Variants in ATP2A2 observed in about 807,000 individuals in gnomAD.
ATP2A2 encodes ATPase sarcoplasmic/endoplasmic reticulum Ca2+ transporting 2.
Under a neutral mutation model 109.3 loss-of-function variants are expected in ATP2A2, and 14 were observed. That is an observed-to-expected ratio of 0.13 (90% CI 0.08 to 0.20). The LOEUF is 0.20. Among genes scored for constraint, ATP2A2 ranks in the 10% least tolerant of loss-of-function variants. The pLI is 1.00. For synonymous variants in ATP2A2, 506 were observed against 490.9 expected, an observed-to-expected ratio of 1.03 and a Z score of -0.41; for missense variants, 657 against 1,321.6, an observed-to-expected ratio of 0.50 and a Z score of 7.80.
Position 110,348,959 on chromosome 12 carries a change from TCCTTGACTTAGTGG to T in ATP2A2, c.*2494_*2507del, listed in dbSNP as rs1276197512. On this transcript the variant is annotated 3_prime_UTR_variant, in exon 20 of 20. Transcript: ENST00000539276. ...AAAACTCAGCTTTTCCTGACTCAGTTCCTTGACTTAGTGGCCTTTACAAAAAAAGTTGAGTAGTG... is the reference window on the plus strand; with the variant it reads ...AAAACTCAGCTTTTCCTGACTCAGTTCCTTTACAAAAAAAGTTGAGTAGTG... 16 of 985,478 alleles carry T rather than the reference TCCTTGACTTAGTGG, an allele frequency of 1.6e-5. No individual in the cohort carries two copies. The highest frequency in any genetic ancestry group is 1.9e-5 in the Non-Finnish European group (16 of 829,972). The allele number at this position is 985,478 out of a possible 1,614,324, so 61.0% of individuals were successfully genotyped here.
chr12:110,315,644 A>G lies in ATP2A2; in HGVS notation c.464-7348A>G, dbSNP rs1174727472. Among the ~76,000 whole-genome samples the G allele has an allele frequency of 2.6e-5, 4 of 152,236 alleles. No homozygotes were observed. In the East Asian group the frequency reaches 7.7e-4, roughly 29 times the overall value. On this transcript the variant is annotated intron_variant, in intron 5 of 19. Transcript: ENST00000539276. ...AAATGTTAGCAGTATAGCGTATCCTAAAATTTTTATTTTTGGCCGGGTGCG... is the reference window on the plus strand; with the variant it reads ...AAATGTTAGCAGTATAGCGTATCCTGAAATTTTTATTTTTGGCCGGGTGCG...
rs1296425781 is a variant in ATP2A2, at chr12:110,296,687, A to G, written c.413A>G (p.Gln138Arg). 1 of 1,613,912 alleles carries G rather than the reference A, an allele frequency of 6.2e-7. No homozygotes were observed. Among genetic ancestry groups the G allele is most frequent in the Non-Finnish European group, 8.5e-7 (1 of 1,179,990 alleles). The change falls in exon 5 of 20, where the codon CAG (glutamine) becomes CGG (arginine). Residue 138 changes from glutamine (Q) to arginine (R), a missense_variant. Gln to Arg is a conservative substitution (Grantham distance 43). Transcript: ENST00000539276. The part of the protein sequence containing the change: ...KVYRQDRKSV[Q>R]RIKAKDIVPG... Reference sequence around the variant, plus strand: ...TATCGACAGGACAGAAAGAGTGTGCAGCGGATTAAAGCTAAAGACATAGTT... The same window carrying G: ...TATCGACAGGACAGAAAGAGTGTGCGGCGGATTAAAGCTAAAGACATAGTT...
chr12:110,323,635 C>T (rs1271766937), intron 6 of ATP2A2, among the ~76,000 whole-genome samples: 1 of 152,098 alleles, frequency 6.6e-6, no homozygotes, highest in African/African-American at 2.4e-5. Flanking sequence ...CATGGCAAAA[C>T]CCCGTATCTA....
At chr12:110,326,118 C>CTA in intron 6 of ATP2A2, 1 of 493,640 alleles carries the variant, frequency 2.0e-6, no homozygotes, top group South Asian at 2.2e-5. Flanking sequence ...TGAATAGTTA[C>CTA]TCCAGAAAAT....
chr12:110,297,322 C>T (rs1372565115), intron 5 of ATP2A2, among the ~76,000 whole-genome samples: 1 of 151,716 alleles, frequency 6.6e-6, no homozygotes, highest in African/African-American at 2.4e-5. Context: ...GTAGTCCCAG[C>T]CACTTGTGAG....
chr12:110,326,841 G>C (rs1299967019), intron 7 of ATP2A2, among the ~76,000 whole-genome samples: 1 of 152,252 alleles, frequency 6.6e-6, no homozygotes, highest in African/African-American at 2.4e-5. Context: ...TGTTTAGAGA[G>C]AGAGAGAAAG....
chr12:110,284,489 T>G (rs981253023), intron 3 of ATP2A2, among the ~76,000 whole-genome samples: 1 of 152,212 alleles, frequency 6.6e-6, no homozygotes, highest in African/African-American at 2.4e-5. Flanking sequence ...CTATTGGGGT[T>G]GCACTGGGTC....
chr12:110,289,474 A>G (rs7310546), intron 3 of ATP2A2, among the ~76,000 whole-genome samples: 185 of 152,268 alleles, frequency 1.2e-3, no homozygotes, highest in African/African-American at 4.4e-3. Flanking sequence ...TATTATACTC[A>G]TTCTGGTTGT....
intron 5 of ATP2A2, among the ~76,000 whole-genome samples, chr12:110,311,606 A>AC (rs914170013): frequency 4.0e-5 from 6 of 149,166 alleles, no homozygotes; most frequent in African/African-American, 1.5e-4. Flanking sequence ...AAAAAAAAAA[A>AC]AAAAAAAAAA....
At chr12:110,326,565 A>C in intron 7 of ATP2A2, 90 bp downstream of exon 7, 1 of 1,186,938 alleles carries the variant, frequency 8.4e-7, no homozygotes, top group Non-Finnish European at 1.2e-6. Flanking sequence ...ATCACTGGCT[A>C]TCATTCTAAA....
chr12:110,285,143 C>G (rs1313618540), intron 3 of ATP2A2, among the ~76,000 whole-genome samples: 2 of 152,150 alleles, frequency 1.3e-5, no homozygotes, highest in African/African-American at 4.8e-5. Flanking sequence ...AAATATCAAA[C>G]TAAGTAGTAA....
intron 6 of ATP2A2, among the ~76,000 whole-genome samples, chr12:110,324,860 A>G (rs1299442668): frequency 1.4e-5 from 2 of 146,388 alleles, no homozygotes; most frequent in Non-Finnish European, 3.0e-5. Context: ...ACAGAGTTGC[A>G]CTCTGTGGCC....
At chr12:110,293,881 T>C (rs1287690045) in intron 4 of ATP2A2, among the ~76,000 whole-genome samples, 1 of 140,218 alleles carries the variant, frequency 7.1e-6, no homozygotes, top group Non-Finnish European at 1.6e-5. Flanking sequence ...TTTTTTTTTT[T>C]TTTTTTTTTT....
chr12:110,337,583 C>A (rs1420162849), intron 11 of ATP2A2, among the ~76,000 whole-genome samples: 2 of 152,228 alleles, frequency 1.3e-5, no homozygotes, highest in African/African-American at 4.8e-5. Context: ...GCCCTGAGCC[C>A]CATCTAGTCA....
rs571147123 is a variant in ATP2A2, at chr12:110,346,705, A to G, written c.*235A>G. On this transcript the variant is annotated 3_prime_UTR_variant, in exon 20 of 20. Coordinates refer to ENST00000539276, the MANE Select transcript of ATP2A2 (RefSeq NM_170665.4). ...CAGAGAACTAACACTATTTTATGCA[A>G]ATATTTTTTTGTAGATGAAAAAGCA... The G allele has an allele frequency of 7.1e-4, 984 of 1,386,498 alleles. 1 individual carries two copies. The highest frequency in any genetic ancestry group is 8.4e-4 in the Non-Finnish European group (904 of 1,071,866). 85.9% of individuals were successfully genotyped at this position (1,386,498 alleles called of 1,614,324 possible). A position where few individuals can be genotyped will look rare whatever the true frequency, so the allele number is the denominator to read the frequency against.
chr12:110,344,971 G>A lies in ATP2A2; in HGVS notation c.2607G>A (p.Leu869=). The change falls in exon 17 of 20, where the codon CTG becomes CTA. Residue 869 remains leucine, a splice_region_variant and synonymous_variant. Coordinates refer to ENST00000539276, the MANE Select transcript of ATP2A2 (RefSeq NM_170665.4). ...GTCCAAGAGTGTCCTTCTACCAGCT[G>A]GTACTCAGTCACCTTTCTTTCTGTA... is the stretch of plus-strand genomic sequence containing the variant. ...DGGPRVSFYQ[L]SHFLQCKEDN... is the part of the protein sequence containing the mutation. 1 of 1,613,988 alleles carries A rather than the reference G, an allele frequency of 6.2e-7. No individual in the cohort carries two copies. Among genetic ancestry groups the A allele is most frequent in the Non-Finnish European group, 8.5e-7 (1 of 1,179,894 alleles).
At chr12:110,315,449 T>C (rs1467570086) in intron 5 of ATP2A2, among the ~76,000 whole-genome samples, 1 of 152,190 alleles carries the variant, frequency 6.6e-6, no homozygotes, top group Non-Finnish European at 1.5e-5. Flanking sequence ...TTTTGTCTGT[T>C]GTGTATGTTA....
intron 5 of ATP2A2, among the ~76,000 whole-genome samples, chr12:110,297,699 A>G (rs908330347): frequency 1.3e-5 from 2 of 151,136 alleles, no homozygotes; most frequent in Non-Finnish European, 2.9e-5. Flanking sequence ...GCTCACTGCA[A>G]CCTCCACCTC....
intron 5 of ATP2A2, among the ~76,000 whole-genome samples, chr12:110,308,572 G>C (rs564010992): frequency 1.3e-5 from 2 of 152,288 alleles, no homozygotes; most frequent in East Asian, 3.9e-4. Flanking sequence ...AAAGCATACC[G>C]TGACTGTATA....
Sources: allele counts gnomAD v4.1 joint callset (sites outside exome capture counted in the v4.1 genomes callset), GRCh38; gene constraint gnomAD v4.1.1; transcripts MANE v1.5; gene names NCBI Gene and HGNC (gene_info 2026-07-23, HGNC 2026-07-21).